The following CLDN14 variants were observed in gnomAD, a reference collection of about 807,000 sequenced individuals.
The protein encoded by CLDN14 is claudin 14.
Under a neutral mutation model 2.1 loss-of-function variants are expected in CLDN14, and 2 were observed. That is an observed-to-expected ratio of 0.96 (90% CI 0.39 to 3.01). The LOEUF (loss-of-function observed/expected upper bound fraction) is 3.01, where lower values mean the gene tolerates loss of function less well. CLDN14 is among the 30% of genes most tolerant of loss of function. CLDN14 has a pLI of 0.09. For synonymous variants in CLDN14, 136 were observed against 154.4 expected, an observed-to-expected ratio of 0.88 and a Z score of 0.88; for missense variants, 298 against 328.0, an observed-to-expected ratio of 0.91 and a Z score of 0.71.
intron 1 of CLDN14, among the ~76,000 whole-genome samples, chr21:36,549,674 G>C (rs1219289489): frequency 1.3e-5 from 2 of 152,232 alleles, no homozygotes; most frequent in African/African-American, 4.8e-5. Context: ...GGCCAGCATA[G>C]CCACTTGTCA....
At chr21:36,495,027 C>T (rs1342127356) in intron 2 of CLDN14, among the ~76,000 whole-genome samples, 1 of 152,154 alleles carries the variant, frequency 6.6e-6, no homozygotes, top group Non-Finnish European at 1.5e-5. Flanking sequence ...AATCCCCCCA[C>T]ACAGAAAGGG....
intron 1 of CLDN14, among the ~76,000 whole-genome samples, chr21:36,518,083 C>G (rs1235874212): frequency 1.9e-5 from 1 of 52,468 alleles, no homozygotes; most frequent in East Asian, 5.2e-4. Context: ...CGTACACACA[C>G]ACACACACAC....
intron 1 of CLDN14, among the ~76,000 whole-genome samples, chr21:36,566,762 G>A (rs1243804769): frequency 1.3e-5 from 2 of 152,188 alleles, no homozygotes; most frequent in African/African-American, 4.8e-5. Context: ...AAATGAGGTG[G>A]CCCATTCACT....
chr21:36,560,910 T>A (rs1281553842), intron 1 of CLDN14, among the ~76,000 whole-genome samples: 1 of 152,236 alleles, frequency 6.6e-6, no homozygotes, highest in Non-Finnish European at 1.5e-5. Flanking sequence ...TTTTTTGTTG[T>A]TGTTTGTTTT....
intron 1 of CLDN14, among the ~76,000 whole-genome samples, chr21:36,533,974 T>G (rs1260051622): frequency 1.3e-5 from 2 of 152,232 alleles, no homozygotes; most frequent in Non-Finnish European, 2.9e-5. Flanking sequence ...GACCTGCACA[T>G]GTACCCCTGA....
At chr21:36,487,767 C>T (rs1309920237) in intron 2 of CLDN14, 1 of 152,204 alleles carries the variant, frequency 6.6e-6, no homozygotes, top group Non-Finnish European at 1.5e-5. Flanking sequence ...CGGCACCCAT[C>T]ATTTAGCTGA....
intron 1 of CLDN14, among the ~76,000 whole-genome samples, chr21:36,535,722 A>T (rs2087418756): frequency 6.6e-6 from 1 of 152,194 alleles, no homozygotes; most frequent in African/African-American, 2.4e-5. Context: ...AGGAGTGGTG[A>T]GATCATGGGG....
At chr21:36,492,523 G>C (rs2146464930) in intron 2 of CLDN14, among the ~76,000 whole-genome samples, 1 of 151,728 alleles carries the variant, frequency 6.6e-6, no homozygotes. Flanking sequence ...CAGCTACTTG[G>C]GAGGCTGAGG....
At chr21:36,484,267 A>G (rs1327307711), upstream of CLDN14, among the ~76,000 whole-genome samples, 1 of 152,218 alleles carries the variant, frequency 6.6e-6, no homozygotes. Flanking sequence ...CAAAAGCCCC[A>G]TGTTCTTGGG....
Position 36,460,670 on chromosome 21 carries a change from C to T in CLDN14, c.*306G>A. ...GGTTTATTCCTGGATCACAAACCAA[C>T]CCCACTGACCAAACTCCCAAGTCAC... On this transcript the variant is annotated 3_prime_UTR_variant, in exon 2 of 2. Transcript: ENST00000399135. This position sits in a 1 kb window ranked among gnomAD's most constrained non-coding sequence, Gnocchi z 4.0. The T allele has an allele frequency of 3.1e-6, 1 of 325,050 alleles. No homozygotes were observed. Among genetic ancestry groups the T allele is most frequent in the Non-Finnish European group, 5.8e-6 (1 of 172,574 alleles). The allele number at this position is 325,050 out of a possible 1,614,324, so 20.1% of individuals were successfully genotyped here. A position where few individuals can be genotyped will look rare whatever the true frequency, so the allele number is the denominator to read the frequency against.
At chr21:36,518,507 G>C (rs11909629) in intron 1 of CLDN14, among the ~76,000 whole-genome samples, 4,709 of 152,268 alleles carry the variant, frequency 0.031, 247 homozygotes, top group African/African-American at 0.11. Context: ...GGCTGAGGTG[G>C]GGAGTCCCTT....
At chr21:36,516,524 T>A (rs2087230166) in intron 1 of CLDN14, among the ~76,000 whole-genome samples, 1 of 152,212 alleles carries the variant, frequency 6.6e-6, no homozygotes. Flanking sequence ...TCCTCTCAAT[T>A]TCTGTATTCA....
chr21:36,559,437 C>A (rs2087619903), intron 1 of CLDN14, among the ~76,000 whole-genome samples: 1 of 152,210 alleles, frequency 6.6e-6, no homozygotes, highest in East Asian at 1.9e-4. Flanking sequence ...CCTCAGGTGA[C>A]CCGCCCACCT....
At chr21:36,552,511 T>A (rs1164412656) in intron 1 of CLDN14, among the ~76,000 whole-genome samples, 2 of 152,176 alleles carry the variant, frequency 1.3e-5, no homozygotes, top group African/African-American at 4.8e-5. Context: ...ACTAATGACA[T>A]TTGCTGGAAA....
chr21:36,515,105 A>C (rs543643691), intron 1 of CLDN14, among the ~76,000 whole-genome samples: 5 of 152,206 alleles, frequency 3.3e-5, no homozygotes, highest in Non-Finnish European at 7.3e-5. Context: ...CTTTTGCACT[A>C]TTGGGGATGT....
upstream of CLDN14, among the ~76,000 whole-genome samples, chr21:36,482,608 G>A (rs2633324): frequency 0.31 from 47,206 of 152,106 alleles, 8,484 homozygotes; most frequent in African/African-American, 0.51. Flanking sequence ...GGAAAATTAT[G>A]TATGCAGAGA....
intron 1 of CLDN14, among the ~76,000 whole-genome samples, chr21:36,571,439 T>C (rs954490073): frequency 6.6e-6 from 1 of 152,266 alleles, no homozygotes; most frequent in African/African-American, 2.4e-5. Flanking sequence ...GTTTGCTAGC[T>C]GTTATTTCTA....
intron 1 of CLDN14, among the ~76,000 whole-genome samples, chr21:36,533,550 G>A (rs2146503649): frequency 6.6e-6 from 1 of 152,232 alleles, no homozygotes; most frequent in Non-Finnish European, 1.5e-5. Context: ...GTACCACGTG[G>A]GAAAATATTG....
chr21:36,490,270 C>T (rs534861516), intron 2 of CLDN14, among the ~76,000 whole-genome samples: 14 of 152,244 alleles, frequency 9.2e-5, no homozygotes, highest in Admixed American at 3.3e-4. Flanking sequence ...ATGGCTCGAC[C>T]GTGGGTCACC....
Sources: gnomAD v4.1 joint callset for allele counts (sites outside exome capture counted in the v4.1 genomes callset) on GRCh38, gnomAD v4.1.1 for gene constraint, Gnocchi (gnomAD v3.1) non-coding constraint, MANE v1.5 for transcripts, NCBI Gene and HGNC (gene_info 2026-07-23, HGNC 2026-07-21) for gene names.